The following FRMPD4 variants were observed in gnomAD, a reference collection of about 807,000 sequenced individuals.
The protein encoded by FRMPD4 is FERM and PDZ domain containing 4.
In FRMPD4, 22 loss-of-function variants were observed where a neutral mutation model predicts 94.1. That is an observed-to-expected ratio of 0.23 (90% CI 0.17 to 0.33). FRMPD4 has a LOEUF of 0.33. FRMPD4 is among the 10% of genes least tolerant of loss of function. The probability of loss-of-function intolerance (pLI) is 1.00; values close to 1 mark genes in which losing one functional copy is unlikely to be tolerated. For missense variants in FRMPD4, 1,111 were observed against 1,339.9 expected, an observed-to-expected ratio of 0.83 and a Z score of 2.67; for synonymous variants, 631 against 548.6, an observed-to-expected ratio of 1.15 and a Z score of -2.10.
Position 12,724,330 on chromosome X carries a change from G to A in FRMPD4, c.*2472G>A, listed in dbSNP as rs1761769569. 1 of 111,400 alleles carries A rather than the reference G, an allele frequency of 9.0e-6. No individual in the cohort carries two copies. Among genetic ancestry groups the A allele is most frequent in the Non-Finnish European group, 1.9e-5 (1 of 53,038 alleles). 9.2% of individuals were successfully genotyped at this position (111,400 alleles called of 1,213,427 possible). On this transcript the variant is annotated 3_prime_UTR_variant, in exon 17 of 17. Transcript: ENST00000675598. ...TTTGCTATTCAGAAAACCTCAAGGG[G>A]CCCCCACATTCACTAAGCATGGGGC...
At chrX:12,128,531 T>C (rs2147546668) in intron 3 of FRMPD4, among the ~76,000 whole-genome samples, 1 of 112,217 alleles carries the variant, frequency 8.9e-6, no homozygotes, top group South Asian at 3.8e-4. Flanking sequence ...ACCATGAAGG[T>C]CTCTGACATG....
chrX:12,040,837 C>T (rs2054750702), intron 3 of FRMPD4, among the ~76,000 whole-genome samples: 1 of 110,831 alleles, frequency 9.0e-6, no homozygotes, highest in South Asian at 3.8e-4. Flanking sequence ...CTTATGTCTG[C>T]TATTTTATTT....
intron 16 of FRMPD4, among the ~76,000 whole-genome samples, chrX:12,720,061 A>AG (rs1569078531): frequency 4.7e-4 from 50 of 107,242 alleles, no homozygotes; most frequent in African/African-American, 1.4e-3. Context: ...AAAGAAAGAA[A>AG]GAAAGAAAGA....
At chrX:12,228,935 C>A (rs1194509198) in intron 1 of FRMPD4, among the ~76,000 whole-genome samples, 1 of 111,614 alleles carries the variant, frequency 9.0e-6, no homozygotes, top group Non-Finnish European at 1.9e-5. Flanking sequence ...GCTTTAGAAG[C>A]CTGTGTCAGT....
chrX:12,095,793 A>G (rs1207767553), intron 3 of FRMPD4, among the ~76,000 whole-genome samples: 1 of 112,369 alleles, frequency 8.9e-6, no homozygotes, highest in African/African-American at 3.2e-5. Context: ...AGAGAAGGCT[A>G]ATTCTTCATG....
intron 1 of FRMPD4, among the ~76,000 whole-genome samples, chrX:12,196,678 T>A (rs2056571492): frequency 9.2e-6 from 1 of 108,437 alleles, no homozygotes; most frequent in Non-Finnish European, 1.9e-5. Context: ...ATATATAATT[T>A]ATATACACAT....
intron 1 of FRMPD4, among the ~76,000 whole-genome samples, chrX:12,310,910 AG>A (rs1337862127): frequency 8.9e-6 from 1 of 112,586 alleles, no homozygotes; most frequent in Non-Finnish European, 1.9e-5. Flanking sequence ...TCATACAAAC[AG>A]CATAAAGTTG....
chrX:12,707,789 C>T, intron 13 of FRMPD4, 138 bp downstream of exon 13: 1 of 475,381 alleles, frequency 2.1e-6, no homozygotes. Context: ...AATAATCCAC[C>T]AACTCAGGCC....
chrX:12,440,784 C>G (rs1426316194), intron 1 of FRMPD4, among the ~76,000 whole-genome samples: 1 of 110,032 alleles, frequency 9.1e-6, no homozygotes, highest in Non-Finnish European at 1.9e-5. Flanking sequence ...CACTATAGTG[C>G]CCTATAAACT....
At chrX:11,994,075 C>G (rs2054481974) in intron 3 of FRMPD4, among the ~76,000 whole-genome samples, 2 of 110,844 alleles carry the variant, frequency 1.8e-5, no homozygotes, top group African/African-American at 6.6e-5. Context: ...TGATTTTGCC[C>G]CCCCAGAAGA....
intron 1 of FRMPD4, among the ~76,000 whole-genome samples, chrX:12,351,452 A>T (rs2055811401): frequency 8.9e-6 from 1 of 111,836 alleles, no homozygotes; most frequent in Non-Finnish European, 1.9e-5. Context: ...CTGGGGGACA[A>T]CCTAGTGACA....
chrX:11,833,490 C>T (rs1434560554), intron 1 of FRMPD4, among the ~76,000 whole-genome samples: 2 of 112,017 alleles, frequency 1.8e-5, no homozygotes, highest in Non-Finnish European at 3.8e-5. Context: ...GTTGCTCCCC[C>T]ATCGTCACCA....
At chrX:12,647,669 CT>C (rs2059560644) in intron 4 of FRMPD4, among the ~76,000 whole-genome samples, 1 of 112,012 alleles carries the variant, frequency 8.9e-6, no homozygotes, top group Non-Finnish European at 1.9e-5. Context: ...CAATTAACCT[CT>C]TTTTACCATT....
At chrX:11,898,200 T>C (rs1007265538) in intron 3 of FRMPD4, among the ~76,000 whole-genome samples, 2 of 110,746 alleles carry the variant, frequency 1.8e-5, no homozygotes, top group Admixed American at 1.9e-4. Context: ...AGTGATTGTA[T>C]TGACATTGGC....
chrX:12,168,680 C>T (rs1334682704), intron 1 of FRMPD4, among the ~76,000 whole-genome samples: 1 of 88,939 alleles, frequency 1.1e-5, no homozygotes, highest in Non-Finnish European at 2.1e-5. Flanking sequence ...GGCTGGAGTG[C>T]AGTGGTGTGA....
chrX:12,252,166 G>A (rs944423321), intron 1 of FRMPD4, among the ~76,000 whole-genome samples: 1 of 111,617 alleles, frequency 9.0e-6, no homozygotes, highest in Admixed American at 9.5e-5. Flanking sequence ...GGCTCAGAAA[G>A]GTTAAACGAC....
intron 4 of FRMPD4, among the ~76,000 whole-genome samples, chrX:12,626,340 TCAATC>T (rs1353384686): frequency 1.5e-4 from 13 of 89,200 alleles, no homozygotes; most frequent in African/African-American, 5.0e-4. Context: ...AAAAAAAAAA[TCAATC>T]CAAAGAGGAG....
At chrX:12,111,277 C>G (rs1395899304) in intron 3 of FRMPD4, among the ~76,000 whole-genome samples, 1 of 111,546 alleles carries the variant, frequency 9.0e-6, no homozygotes. Flanking sequence ...ACATCTACAA[C>G]CATCTGATCT....
intron 1 of FRMPD4, among the ~76,000 whole-genome samples, chrX:12,354,021 G>A (rs1005008011): frequency 8.9e-6 from 1 of 112,053 alleles, no homozygotes; most frequent in African/African-American, 3.2e-5. Context: ...CATATTTCTA[G>A]AAAGTAATAA....
Sources: allele counts gnomAD v4.1 joint callset (sites outside exome capture counted in the v4.1 genomes callset), GRCh38; gene constraint gnomAD v4.1.1; transcripts MANE v1.5; gene names NCBI Gene and HGNC (gene_info 2026-07-23, HGNC 2026-07-21).